Variants in ACKR2 observed in about 807,000 individuals in gnomAD.
ACKR2 encodes atypical chemokine receptor 2.
For missense variants in ACKR2, 457 were observed against 477.3 expected, an observed-to-expected ratio of 0.96 and a Z score of 0.40; for synonymous variants, 207 against 192.2, an observed-to-expected ratio of 1.08 and a Z score of -0.64.
intron 1 of ACKR2, among the ~76,000 whole-genome samples, chr3:42,810,023 C>G (rs1053546360): frequency 2.6e-5 from 4 of 152,108 alleles, no homozygotes; most frequent in African/African-American, 9.7e-5. Flanking sequence ...GCTTCTGAGG[C>G]TGCTTCTGAG....
intron 1 of ACKR2, among the ~76,000 whole-genome samples, chr3:42,817,141 C>T (rs182016729): frequency 1.3e-5 from 2 of 152,222 alleles, no homozygotes; most frequent in Admixed American, 6.5e-5. Flanking sequence ...ATACATAAGG[C>T]ACCAAGAAGA....
At chr3:42,818,869 T>G (rs1395000279) in intron 1 of ACKR2, among the ~76,000 whole-genome samples, 1 of 152,172 alleles carries the variant, frequency 6.6e-6, no homozygotes, top group Non-Finnish European at 1.5e-5. Flanking sequence ...GCCCATAGAT[T>G]GTTTTTACTG....
chr3:42,828,092 A>T (rs200629159), intron 2 of ACKR2, among the ~76,000 whole-genome samples: 4,420 of 121,838 alleles, frequency 0.036, 131 homozygotes, highest in African/African-American at 0.076. Flanking sequence ...ATATATATAT[A>T]TTTTTTTTTT....
intron 2 of ACKR2, among the ~76,000 whole-genome samples, chr3:42,828,092 A>ATATATATTTT (rs1193533555): frequency 2.1e-4 from 25 of 121,892 alleles, no homozygotes; most frequent in Non-Finnish European, 3.5e-4. Flanking sequence ...ATATATATAT[A>ATATATATTTT]TTTTTTTTTT....
chr3:42,825,598 T>TGC (rs1379383627), intron 2 of ACKR2, among the ~76,000 whole-genome samples: 1 of 151,486 alleles, frequency 6.6e-6, no homozygotes, highest in Non-Finnish European at 1.5e-5. Flanking sequence ...TGTGTGTGTG[T>TGC]GTGCGTGTGT....
chr3:42,841,600 C>G (rs1385501272), intron 2 of ACKR2: 1 of 152,160 alleles, frequency 6.6e-6, no homozygotes, highest in East Asian at 1.9e-4. Flanking sequence ...GTTTGTTAAA[C>G]AAGGCAAGAT....
chr3:42,810,150 T>TA (rs1214216382), intron 1 of ACKR2, among the ~76,000 whole-genome samples: 1 of 152,218 alleles, frequency 6.6e-6, no homozygotes, highest in Non-Finnish European at 1.5e-5. Context: ...ATTCATTGTT[T>TA]AAAAAATAAC....
At chr3:42,822,146 A>G in intron 2 of ACKR2, among the ~76,000 whole-genome samples, 1 of 147,704 alleles carries the variant, frequency 6.8e-6, no homozygotes, top group East Asian at 2.1e-4. Context: ...CTAGGTATTT[A>G]TAGATAGATA....
At chr3:42,818,831 G>A (rs1442824767) in intron 1 of ACKR2, among the ~76,000 whole-genome samples, 1 of 152,078 alleles carries the variant, frequency 6.6e-6, no homozygotes, top group Non-Finnish European at 1.5e-5. Context: ...TAAAGTGTTG[G>A]GATTACAGAT....
intron 2 of ACKR2, among the ~76,000 whole-genome samples, chr3:42,864,016 A>AT (rs201130496): frequency 6.6e-6 from 1 of 152,236 alleles, no homozygotes; most frequent in East Asian, 1.9e-4. Context: ...AATAAACAAA[A>AT]TTTTTTAAAA....
At chr3:42,848,379 G>T (rs1009289175) in intron 2 of ACKR2, among the ~76,000 whole-genome samples, 1 of 151,576 alleles carries the variant, frequency 6.6e-6, no homozygotes, top group Admixed American at 6.6e-5. Flanking sequence ...CACCACACCT[G>T]GCTAATTTTT....
At chr3:42,863,518 C>A (rs2125626032) in intron 2 of ACKR2, among the ~76,000 whole-genome samples, 1 of 152,206 alleles carries the variant, frequency 6.6e-6, no homozygotes, top group South Asian at 2.1e-4. Flanking sequence ...GGGTATATAC[C>A]CAAAGGATTA....
At chr3:42,827,927 A>G (rs1700885819) in intron 2 of ACKR2, among the ~76,000 whole-genome samples, 1 of 152,062 alleles carries the variant, frequency 6.6e-6, no homozygotes, top group Non-Finnish European at 1.5e-5. Context: ...AAGAAAAATG[A>G]ATTGCCCTTT....
chr3:42,859,116 A>T (rs554992407), intron 2 of ACKR2, among the ~76,000 whole-genome samples: 1 of 152,338 alleles, frequency 6.6e-6, no homozygotes, highest in African/African-American at 2.4e-5. Flanking sequence ...GATATTATCC[A>T]GGAGAACTTC....
At chr3:42,822,287 A>C (rs1407771924) in intron 2 of ACKR2, among the ~76,000 whole-genome samples, 1 of 152,206 alleles carries the variant, frequency 6.6e-6, no homozygotes, top group Admixed American at 6.5e-5. Context: ...TTTTAAAAAT[A>C]TATTTATGAA....
At chr3:42,856,385 G>C in intron 2 of ACKR2, 1 of 702,910 alleles carries the variant, frequency 1.4e-6, no homozygotes, top group South Asian at 1.5e-5. Context: ...CAGCAGCACT[G>C]AATAGTTCCA....
chr3:42,851,293 C>T (rs1358853090), intron 2 of ACKR2: 2 of 916,286 alleles, frequency 2.2e-6, no homozygotes, highest in East Asian at 1.2e-4. Flanking sequence ...TTTTTTATTC[C>T]AGTTGAAAGC....
intron 2 of ACKR2, among the ~76,000 whole-genome samples, chr3:42,828,326 G>GTT (rs1192679386): frequency 6.6e-6 from 1 of 151,970 alleles, no homozygotes; most frequent in East Asian, 1.9e-4. Context: ...GGTCAGGCTA[G>GTT]CCTTGAACTC....
chr3:42,837,801 G>T (rs924537055), intron 2 of ACKR2, among the ~76,000 whole-genome samples: 6 of 152,054 alleles, frequency 3.9e-5, no homozygotes. Context: ...TACGCTGTAG[G>T]CAATACATCT....
Sources: gnomAD v4.1 joint callset for allele counts (sites outside exome capture counted in the v4.1 genomes callset) on GRCh38, gnomAD v4.1.1 for gene constraint, MANE v1.5 for transcripts, NCBI Gene and HGNC (gene_info 2026-07-23, HGNC 2026-07-21) for gene names.